Variants in SLC25A25 observed in about 807,000 individuals in gnomAD.
SLC25A25 encodes solute carrier family 25 member 25.
SLC25A25 carries 32 observed loss-of-function variants against 57.7 expected under a neutral mutation model. The observed-to-expected ratio is 0.55, with a 90% CI of 0.42 to 0.74. SLC25A25 has a LOEUF of 0.74. SLC25A25 is among the 30% of genes least tolerant of loss of function. The probability of loss-of-function intolerance (pLI) is 0.00; values close to 1 mark genes in which losing one functional copy is unlikely to be tolerated. For missense variants in SLC25A25, 556 were observed against 701.3 expected (o/e 0.79, Z 2.34); for synonymous variants, 306 against 291.2 (o/e 1.05, Z -0.52).
chr9:128,098,854 T>C (rs575684321), intron 1 of SLC25A25: 3 of 1,504,084 alleles, frequency 2.0e-6, no homozygotes, highest in African/African-American at 1.4e-5. Context: ...TTTTTTCCCA[T>C]TGCCATGCGG....
intron 6 of SLC25A25, among the ~76,000 whole-genome samples, chr9:128,104,853 AT>A (rs2130824770): frequency 6.8e-6 from 1 of 147,996 alleles, no homozygotes; most frequent in African/African-American, 2.5e-5. Flanking sequence ...TATTATTATT[AT>A]TATTATTATT....
chr9:128,108,140 G>A lies in SLC25A25; in HGVS notation c.*696G>A, dbSNP rs1564199699. The stretch of plus-strand genomic sequence containing the variant: ...GGCTGCACAGAAGGCAAGTGCTGGG[G>A]CTCATGGTGCTCTGAGCTGGCCTGG... On this transcript the variant is annotated 3_prime_UTR_variant, in exon 11 of 11. Transcript: ENST00000373069. 3 of 399,404 alleles carry A rather than the reference G, an allele frequency of 7.5e-6. No individual in the cohort carries two copies. The highest frequency in any genetic ancestry group is 1.3e-5 in the Non-Finnish European group (3 of 226,492). 24.7% of individuals were successfully genotyped at this position (399,404 alleles called of 1,614,324 possible).
rs1022973376 is a variant in SLC25A25, at chr9:128,103,285, A to G, written c.625-396A>G. 6.6e-6 allele frequency among the ~76,000 whole-genome samples: 1 copy of G among 152,172 alleles called. No homozygotes were observed. The highest frequency in any genetic ancestry group is 1.9e-4 in the East Asian group (1 of 5,196). On this transcript the variant is annotated intron_variant, in intron 5 of 10. Coordinates refer to ENST00000373069, the MANE Select transcript of SLC25A25 (RefSeq NM_001330988.2). The surrounding 1 kb of genome is among the most constrained non-coding windows in gnomAD (Gnocchi z 6.7). ...CGTTGCATAATGTTCTGCCAGCGTGATCTGGTTACACGTGAGATCTCAGAC... is the reference window on the plus strand; with the variant it reads ...CGTTGCATAATGTTCTGCCAGCGTGGTCTGGTTACACGTGAGATCTCAGAC...
intron 1 of SLC25A25, among the ~76,000 whole-genome samples, chr9:128,081,931 G>A (rs183502914): frequency 0.042 from 3,252 of 76,548 alleles, 108 homozygotes; most frequent in African/African-American, 0.11. Flanking sequence ...AAAAAATAAA[G>A]TAGAAATCCC....
intron 1 of SLC25A25, among the ~76,000 whole-genome samples, chr9:128,076,470 TTTTA>T (rs1334216020): frequency 0.046 from 4,701 of 102,120 alleles, 280 homozygotes; most frequent in African/African-American, 0.19. Context: ...TTATTTTTAT[TTTTA>T]TTTTTTTTTG....
At chr9:128,093,290 G>T (rs560824498) in intron 1 of SLC25A25, among the ~76,000 whole-genome samples, 18 of 152,300 alleles carry the variant, frequency 1.2e-4, no homozygotes, top group Non-Finnish European at 2.1e-4. Flanking sequence ...GTGTCACTTT[G>T]TACCTTTTGA....
chr9:128,083,232 A>T (rs1299015236), intron 1 of SLC25A25, among the ~76,000 whole-genome samples: 13 of 61,506 alleles, frequency 2.1e-4, no homozygotes, highest in South Asian at 4.8e-4. Context: ...CGTCTCAAAA[A>T]AAAAAAATAA....
rs1834036383 is a variant in SLC25A25, at chr9:128,106,387, G to A, written c.1079G>A (p.Gly360Asp). The A allele has an allele frequency of 3.7e-6, 6 of 1,613,794 alleles. No homozygotes were observed. The highest frequency in any genetic ancestry group is 4.2e-6 in the Non-Finnish European group (5 of 1,179,926). ...LKTRMALRKTGQYSGMLDCAR... is the reference protein window; with the variant it reads ...LKTRMALRKTDQYSGMLDCAR... ...ACCCGGATGGCGCTGCGGAAGACAG[G>A]CCAGTACTCAGGAATGCTGGACTGC... Residue 360 changes from glycine to aspartate, a missense_variant, in exon 9 of 11, where the codon GGC (glycine) becomes GAC (aspartate). Physicochemically the swap from Gly to Asp is moderately conservative, Grantham distance 94. Around this residue, in one of 3 missense-constraint regions of SLC25A25, gnomAD observed 294 missense variants for 389.6 expected, o/e 0.75. Coordinates refer to ENST00000373069, the MANE Select transcript of SLC25A25 (RefSeq NM_001330988.2).
rs7033835 is a variant in SLC25A25 at position 128,099,478 on chromosome 9, G to A, written c.262-1618G>A. ...GGCAGCAGGCGGCTGGGTCCCAGAGGGCTCCATGCCTGATGTTCGCCTCCT... is the reference window on the plus strand; with the variant it reads ...GGCAGCAGGCGGCTGGGTCCCAGAGAGCTCCATGCCTGATGTTCGCCTCCT... On this transcript the variant is annotated intron_variant, in intron 1 of 10. Transcript: ENST00000373069. This position sits in a 1 kb window ranked among gnomAD's most constrained non-coding sequence, Gnocchi z 6.8. 5,893 of 1,029,158 alleles carry A rather than the reference G, an allele frequency of 5.7e-3. 252 individuals carry two copies. In the African/African-American group the frequency reaches 0.095, roughly 17 times the overall value. The allele number at this position is 1,029,158 out of a possible 1,614,324, so 63.8% of individuals were successfully genotyped here.
chr9:128,076,364 C>A (rs1220328299), intron 1 of SLC25A25, among the ~76,000 whole-genome samples: 1 of 152,138 alleles, frequency 6.6e-6, no homozygotes, highest in South Asian at 2.1e-4. Flanking sequence ...CTCCTGAACG[C>A]ATGTGATCCT....
chr9:128,083,513 CTT>C (rs1315501906), intron 1 of SLC25A25, among the ~76,000 whole-genome samples: 1 of 117,454 alleles, frequency 8.5e-6, no homozygotes, highest in Non-Finnish European at 1.6e-5. Context: ...TTTCTTTTTT[CTT>C]TTTTTTTTTT....
Position 128,107,771 on chromosome 9 carries a change from G to A in SLC25A25, c.*327G>A. The A allele has an allele frequency of 2.5e-6, 1 of 406,650 alleles. No individual in the cohort carries two copies. 25.2% of individuals were successfully genotyped at this position (406,650 alleles called of 1,614,324 possible). On this transcript the variant is annotated 3_prime_UTR_variant, in exon 11 of 11. Coordinates refer to ENST00000373069, the MANE Select transcript of SLC25A25 (RefSeq NM_001330988.2). ...AGCTTGGAGCCTGGAGGCCGGCTTA[G>A]TTCTTCCATTTCACCCTTGCAGCCA...
At chr9:128,091,054 C>T (rs1439822118) in intron 1 of SLC25A25, 4 of 152,206 alleles carry the variant, frequency 2.6e-5, no homozygotes, top group Admixed American at 1.3e-4. Context: ...TGGAGGGAGA[C>T]GCAGCAGAAG....
chr9:128,089,167 C>T (rs754127285), intron 1 of SLC25A25, among the ~76,000 whole-genome samples: 1 of 152,122 alleles, frequency 6.6e-6, no homozygotes, highest in Non-Finnish European at 1.5e-5. Flanking sequence ...GCTGGGATTA[C>T]AGACGTGAAC....
At chr9:128,077,148 C>A (rs1833032454) in intron 1 of SLC25A25, among the ~76,000 whole-genome samples, 1 of 152,222 alleles carries the variant, frequency 6.6e-6, no homozygotes. Context: ...GACGTGCTGT[C>A]CATACCTTAC....
rs543168047 is a variant in SLC25A25 at position 128,101,505 on chromosome 9, G to A, written c.476+109G>A. ...GGCTGACCCTGAACTTGGCCTTCTC[G>A]TGGTTTGAAAGGATGAATAAGTAAC... On this transcript the variant is annotated intron_variant, in intron 3 of 10. Coordinates refer to ENST00000373069, the MANE Select transcript of SLC25A25 (RefSeq NM_001330988.2). The surrounding 1 kb of genome is among the most constrained non-coding windows in gnomAD (Gnocchi z 4.9). 8.4e-6 allele frequency: 11 copies of A among 1,303,530 alleles called. No homozygotes were observed. In the African/African-American group the frequency reaches 8.8e-5, roughly 10 times the overall value. 80.7% of individuals were successfully genotyped at this position (1,303,530 alleles called of 1,614,324 possible).
intron 1 of SLC25A25, among the ~76,000 whole-genome samples, chr9:128,081,722 A>G (rs760105788): frequency 6.6e-6 from 1 of 152,120 alleles, no homozygotes; most frequent in Non-Finnish European, 1.5e-5. Flanking sequence ...TGAGGCCAGG[A>G]GTTCGAGACC....
intron 1 of SLC25A25, among the ~76,000 whole-genome samples, chr9:128,094,077 G>GGC (rs1833490950): frequency 6.6e-6 from 1 of 152,198 alleles, no homozygotes; most frequent in Admixed American, 6.5e-5. Flanking sequence ...GAATCCAGGA[G>GGC]GCGGAGGTTG....
intron 1 of SLC25A25, among the ~76,000 whole-genome samples, chr9:128,076,032 C>G (rs1833003986): frequency 6.6e-6 from 1 of 151,932 alleles, no homozygotes; most frequent in Non-Finnish European, 1.5e-5. Flanking sequence ...ACCTAAGCCA[C>G]TGTACCCAGC....
Sources: allele counts gnomAD v4.1 joint callset (sites outside exome capture counted in the v4.1 genomes callset), GRCh38; gene constraint gnomAD v4.1.1; regional missense constraint gnomAD v4.1.1; non-coding constraint Gnocchi (gnomAD v3.1); transcripts MANE v1.5; gene names NCBI Gene and HGNC (gene_info 2026-07-23, HGNC 2026-07-21).